Variants in SLC6A13 observed in about 807,000 individuals in gnomAD.
The protein encoded by SLC6A13 is solute carrier family 6 member 13, also known as sodium- and chloride-dependent GABA transporter 2.
Under a neutral mutation model 72.9 loss-of-function variants are expected in SLC6A13, and 69 were observed. The ratio of observed to expected loss-of-function variants is 0.95; its 90% CI spans 0.78 to 1.16. SLC6A13 has a LOEUF of 1.16. SLC6A13 is among the 50% of genes most tolerant of loss of function. SLC6A13 has a pLI of 0.00. For missense variants in SLC6A13, 735 were observed against 760.5 expected (o/e 0.97, Z 0.39); for synonymous variants, 303 against 303.0 (o/e 1.00, Z 0.00).
At chr12:222,409 G>A in intron 13 of SLC6A13, 123 bp downstream of exon 13, 2 of 583,854 alleles carry the variant, frequency 3.4e-6, no homozygotes, top group Non-Finnish European at 6.0e-6. Flanking sequence ...GAGGATGAGT[G>A]AAAATCTAAG....
At chr12:245,758 G>T (rs1390483269) in intron 2 of SLC6A13, among the ~76,000 whole-genome samples, 1 of 152,094 alleles carries the variant, frequency 6.6e-6, no homozygotes, top group East Asian at 1.9e-4. Context: ...GCCAAGGCAG[G>T]CAGATCACGA....
intron 11 of SLC6A13, among the ~76,000 whole-genome samples, chr12:223,512 C>T (rs1941306649): frequency 1.3e-5 from 2 of 152,096 alleles, no homozygotes; most frequent in African/African-American, 4.8e-5. Flanking sequence ...CCACGAAGCC[C>T]AAGACATAGA....
intron 2 of SLC6A13, among the ~76,000 whole-genome samples, chr12:252,978 T>C (rs1942607705): frequency 6.6e-6 from 1 of 152,194 alleles, no homozygotes; most frequent in Non-Finnish European, 1.5e-5. Context: ...GGGGGCCAGG[T>C]ACGGACTGAG....
chr12:261,970 T>A (rs1469374452), intron 1 of SLC6A13, among the ~76,000 whole-genome samples: 1 of 151,446 alleles, frequency 6.6e-6, no homozygotes, highest in African/African-American at 2.4e-5. Context: ...CAGGCATCTA[T>A]GTTTATCTGA....
Position 224,002 on chromosome 12 carries a change from A to G in SLC6A13, c.1301T>C (p.Met434Thr). ...TTCCCAGGCCCTCACCTCTGTGAGC[A>G]TGATCAGCCCCACAAGGAAGGAGAC... ...SVVSFLVGLI[M>T]LTEGGMYVFQ... Residue 434 changes from methionine (M) to threonine (T), a missense_variant, in exon 11 of 15, where the codon ATG becomes ACG. Coordinates refer to ENST00000343164, the MANE Select transcript of SLC6A13 (RefSeq NM_016615.5). The G allele has an allele frequency of 6.2e-7, 1 of 1,612,594 alleles. No homozygotes were observed.
At chr12:251,170 A>AC in intron 2 of SLC6A13, among the ~76,000 whole-genome samples, 1 of 152,060 alleles carries the variant, frequency 6.6e-6, no homozygotes, top group African/African-American at 2.4e-5. Flanking sequence ...AAAAACAAAA[A>AC]AAAAAAACCT....
chr12:238,476 G>T, intron 4 of SLC6A13: 1 of 475,660 alleles, frequency 2.1e-6, no homozygotes, highest in Non-Finnish European at 3.9e-6. Flanking sequence ...AGCTCTCTGT[G>T]TTTTGCTTCG....
chr12:244,690 T>C (rs909794507), intron 2 of SLC6A13, among the ~76,000 whole-genome samples: 2 of 151,058 alleles, frequency 1.3e-5, no homozygotes, highest in African/African-American at 4.9e-5. Flanking sequence ...CAAGACCCTG[T>C]CCAAAAAAAA....
In SLC6A13 at chr12:254,170, C is replaced by T. The variant is rs1942656900; in HGVS notation, c.202+5681G>A. Reference sequence around the variant, plus strand: ...AGGGTGGAGGGCTGGAGGAATAGTTCAAATGTCAAGCTTCTTCAGCCGCCT... The same window carrying T: ...AGGGTGGAGGGCTGGAGGAATAGTTTAAATGTCAAGCTTCTTCAGCCGCCT... On this transcript the variant is annotated intron_variant, in intron 2 of 14. Transcript: ENST00000343164. This position sits in a 1 kb window ranked among gnomAD's most constrained non-coding sequence, Gnocchi z 4.4. Among the ~76,000 whole-genome samples the T allele has an allele frequency of 6.6e-6, 1 of 152,182 alleles. No individual in the cohort carries two copies. The highest frequency in any genetic ancestry group is 1.5e-5 in the Non-Finnish European group (1 of 68,032).
intron 4 of SLC6A13, 199 bp from the exon 5 acceptor site, chr12:238,209 C>T (rs926116307): frequency 1.3e-6 from 2 of 1,526,042 alleles, no homozygotes; most frequent in African/African-American, 2.7e-5. Flanking sequence ...CACACTTGGA[C>T]ATGTGGGTAC....
chr12:240,566 C>T (rs552710514), intron 4 of SLC6A13, among the ~76,000 whole-genome samples: 10 of 152,216 alleles, frequency 6.6e-5, no homozygotes, highest in Admixed American at 3.3e-4. Flanking sequence ...TGAGTGCTTA[C>T]GATAGAGCCA....
intron 2 of SLC6A13, among the ~76,000 whole-genome samples, chr12:255,350 C>CA (rs1942703074): frequency 1.3e-5 from 2 of 152,070 alleles, no homozygotes; most frequent in African/African-American, 4.8e-5. Flanking sequence ...CTTCTGCCTT[C>CA]ACTCCCCTAT....
At chr12:247,956 G>T (rs1333919283) in intron 2 of SLC6A13, among the ~76,000 whole-genome samples, 1 of 151,584 alleles carries the variant, frequency 6.6e-6, no homozygotes, top group Non-Finnish European at 1.5e-5. Context: ...ACACAACAAA[G>T]TTACAGCTAA....
At chr12:229,984 G>A (rs1047627261) in intron 7 of SLC6A13, among the ~76,000 whole-genome samples, 19 of 152,098 alleles carry the variant, frequency 1.2e-4, no homozygotes, top group African/African-American at 4.1e-4. Context: ...AACCCAGAGC[G>A]CAAGGGTCAA....
In SLC6A13 at chr12:223,172, G is replaced by C. The variant is rs142303290; in HGVS notation, c.1374C>G (p.Phe458Leu). Reference sequence around the variant, plus strand: ...CACAGAGGGACTCGAAGATGGCCACGAACAGGAGGCACATGCCACTGGCCG... The same window carrying C: ...CACAGAGGGACTCGAAGATGGCCACCAACAGGAGGCACATGCCACTGGCCG... Reference protein sequence around the residue: ...YYAASGMCLLFVAIFESLCVA... With the variant: ...YYAASGMCLLLVAIFESLCVA... The change falls in exon 12 of 15, where the codon TTC becomes TTG. Residue 458 changes from phenylalanine to leucine, a missense_variant. Physicochemically the swap from Phe to Leu is conservative, Grantham distance 22. Coordinates refer to ENST00000343164, the MANE Select transcript of SLC6A13 (RefSeq NM_016615.5). 3 of 1,613,840 alleles carry C rather than the reference G, an allele frequency of 1.9e-6. No homozygotes were observed. Among genetic ancestry groups the C allele is most frequent in the Non-Finnish European group, 1.7e-6 (2 of 1,179,752 alleles).
chr12:242,941 A>G, intron 3 of SLC6A13, among the ~76,000 whole-genome samples, 187 bp from the exon 4 acceptor site: 1 of 152,356 alleles, frequency 6.6e-6, no homozygotes, highest in Non-Finnish European at 1.5e-5. Flanking sequence ...AAAAACGTAA[A>G]GAAAATCCTA....
At chr12:241,387 G>A (rs892420314) in intron 4 of SLC6A13, among the ~76,000 whole-genome samples, 4 of 152,208 alleles carry the variant, frequency 2.6e-5, no homozygotes, top group African/African-American at 9.6e-5. Flanking sequence ...GTTGACTGGT[G>A]CTGGAAGATA....
chr12:243,961 T>G, intron 2 of SLC6A13, 148 bp from the exon 3 acceptor site: 2 of 683,328 alleles, frequency 2.9e-6, no homozygotes, highest in Non-Finnish European at 4.8e-6. Context: ...TCTAGATGTT[T>G]GGAACATAGC....
intron 4 of SLC6A13, among the ~76,000 whole-genome samples, chr12:238,867 C>T (rs1942041531): frequency 7.5e-6 from 1 of 132,584 alleles, no homozygotes; most frequent in Non-Finnish European, 1.8e-5. Flanking sequence ...CAGCTCCCGG[C>T]TCCTACCTGG....
Sources: gnomAD v4.1 joint callset for allele counts (sites outside exome capture counted in the v4.1 genomes callset) on GRCh38, gnomAD v4.1.1 for gene constraint, Gnocchi (gnomAD v3.1) non-coding constraint, MANE v1.5 for transcripts, NCBI Gene and HGNC (gene_info 2026-07-23, HGNC 2026-07-21) for gene names.